The following GALNTL6 variants were observed in gnomAD, a reference collection of about 807,000 sequenced individuals.
GALNTL6 encodes polypeptide N-acetylgalactosaminyltransferase like 6.
In GALNTL6, 46 loss-of-function variants were observed where a neutral mutation model predicts 73.7. That is an observed-to-expected ratio of 0.62 (90% CI 0.49 to 0.80). The LOEUF (loss-of-function observed/expected upper bound fraction) is 0.80. Among genes scored for constraint, GALNTL6 ranks in the 30% least tolerant of loss-of-function variants. The probability of loss-of-function intolerance (pLI) is 0.00; values close to 1 mark genes in which losing one functional copy is unlikely to be tolerated. For synonymous variants in GALNTL6, 259 were observed against 263.7 expected (o/e 0.98, Z 0.17); for missense variants, 604 against 755.0 (o/e 0.80, Z 2.34).
At chr4:172,280,115 G>A (rs1048695861) in intron 3 of GALNTL6, among the ~76,000 whole-genome samples, 9 of 152,168 alleles carry the variant, frequency 5.9e-5, no homozygotes, top group Admixed American at 1.3e-4. Flanking sequence ...AACAGGTACA[G>A]AGTTTTTGTT....
chr4:171,920,856 C>T (rs1203544922), intron 2 of GALNTL6, among the ~76,000 whole-genome samples: 1 of 152,228 alleles, frequency 6.6e-6, no homozygotes. Context: ...TCTTTATAAA[C>T]ATATTACTAT....
At chr4:172,046,683 T>C (rs1742230969) in intron 2 of GALNTL6, among the ~76,000 whole-genome samples, 1 of 152,206 alleles carries the variant, frequency 6.6e-6, no homozygotes, top group Non-Finnish European at 1.5e-5. Flanking sequence ...CTGAGGAATG[T>C]CTATTCAGGC....
chr4:171,898,119 GA>G (rs1736980868), intron 2 of GALNTL6, among the ~76,000 whole-genome samples: 1 of 152,006 alleles, frequency 6.6e-6, no homozygotes, highest in African/African-American at 2.4e-5. Flanking sequence ...ATAAACATCA[GA>G]AAAGCTGCTT....
intron 2 of GALNTL6, among the ~76,000 whole-genome samples, chr4:171,953,885 CA>C (rs1738964614): frequency 1.3e-5 from 2 of 151,922 alleles, no homozygotes; most frequent in African/African-American, 4.8e-5. Context: ...ACCTCATTAA[CA>C]ATTGGTGAGG....
chr4:171,841,405 T>A (rs1735235872), intron 2 of GALNTL6, among the ~76,000 whole-genome samples: 1 of 152,160 alleles, frequency 6.6e-6, no homozygotes, highest in Non-Finnish European at 1.5e-5. Flanking sequence ...AAACAATATG[T>A]TAGAGTTAAT....
At chr4:171,834,189 G>C (rs781371972) in intron 2 of GALNTL6, among the ~76,000 whole-genome samples, 1 of 151,914 alleles carries the variant, frequency 6.6e-6, no homozygotes, top group Non-Finnish European at 1.5e-5. Context: ...CTAAGTATAA[G>C]TATTTTCAAT....
At chr4:172,722,988 A>G (rs1207582134) in intron 5 of GALNTL6, among the ~76,000 whole-genome samples, 1 of 152,132 alleles carries the variant, frequency 6.6e-6, no homozygotes, top group Non-Finnish European at 1.5e-5. Flanking sequence ...TGGCAGGACT[A>G]TGTCACTTGT....
chr4:172,866,996 G>C (rs545896287), intron 7 of GALNTL6, among the ~76,000 whole-genome samples: 2 of 152,172 alleles, frequency 1.3e-5, no homozygotes, highest in Non-Finnish European at 2.9e-5. Context: ...ATAGCAAATA[G>C]ACAGGTGTGT....
chr4:171,944,815 A>T (rs1738655841), intron 2 of GALNTL6, among the ~76,000 whole-genome samples: 1 of 142,718 alleles, frequency 7.0e-6, no homozygotes, highest in African/African-American at 2.7e-5. Context: ...AAGATACTTA[A>T]AAAAAAAATC....
At chr4:172,287,607 G>A (rs1038229544) in intron 3 of GALNTL6, among the ~76,000 whole-genome samples, 3 of 152,146 alleles carry the variant, frequency 2.0e-5, no homozygotes, top group Non-Finnish European at 4.4e-5. Flanking sequence ...ACCAGGGAGG[G>A]CTGAGGCAGA....
chr4:172,740,143 T>C (rs1346107093), intron 5 of GALNTL6, among the ~76,000 whole-genome samples: 2 of 152,072 alleles, frequency 1.3e-5, no homozygotes, highest in Admixed American at 1.3e-4. Flanking sequence ...TTTGTACTTG[T>C]TCTATTTTAT....
At chr4:172,017,515 G>C (rs946754503) in intron 2 of GALNTL6, among the ~76,000 whole-genome samples, 6 of 152,046 alleles carry the variant, frequency 3.9e-5, no homozygotes, top group South Asian at 2.1e-4. Context: ...AGTGCCAGGG[G>C]AGAACAAGGT....
At chr4:172,089,649 C>A (rs1297812083) in intron 2 of GALNTL6, among the ~76,000 whole-genome samples, 3 of 152,068 alleles carry the variant, frequency 2.0e-5, no homozygotes, top group African/African-American at 4.8e-5. Context: ...AATTTAGTAA[C>A]AAGTGCACTA....
intron 10 of GALNTL6, among the ~76,000 whole-genome samples, chr4:172,956,410 A>C (rs1268494829): frequency 3.9e-5 from 6 of 152,226 alleles, no homozygotes; most frequent in Admixed American, 2.6e-4. Flanking sequence ...TAGGACATCT[A>C]ATTAGAGAGT....
intron 2 of GALNTL6, among the ~76,000 whole-genome samples, chr4:172,216,022 T>C (rs1182684181): frequency 1.3e-5 from 2 of 152,280 alleles, no homozygotes; most frequent in African/African-American, 2.4e-5. Context: ...TCATATGTTA[T>C]ATACACCCAA....
chr4:172,376,834 A>G (rs1686252088), intron 5 of GALNTL6, among the ~76,000 whole-genome samples: 1 of 152,116 alleles, frequency 6.6e-6, no homozygotes, highest in Admixed American at 6.5e-5. Flanking sequence ...CCTCGTGATA[A>G]GTATTACAGT....
At chr4:171,972,797 G>A (rs995576260) in intron 2 of GALNTL6, among the ~76,000 whole-genome samples, 20 of 152,080 alleles carry the variant, frequency 1.3e-4, no homozygotes, top group African/African-American at 4.3e-4. Context: ...TCAAAGTCAT[G>A]TAATTCTAGA....
intron 5 of GALNTL6, among the ~76,000 whole-genome samples, chr4:172,738,980 G>C (rs867243441): frequency 6.6e-6 from 1 of 152,174 alleles, no homozygotes; most frequent in Non-Finnish European, 1.5e-5. Flanking sequence ...TGCAGATGAA[G>C]CCTCCAGGTA....
intron 2 of GALNTL6, among the ~76,000 whole-genome samples, chr4:171,988,182 T>G (rs1031938462): frequency 6.6e-6 from 1 of 152,034 alleles, no homozygotes; most frequent in African/African-American, 2.4e-5. Context: ...GGCTACAGGG[T>G]GCAGTCCTGG....
Sources: allele counts gnomAD v4.1 joint callset (sites outside exome capture counted in the v4.1 genomes callset), GRCh38; gene constraint gnomAD v4.1.1; transcripts MANE v1.5; gene names NCBI Gene and HGNC (gene_info 2026-07-23, HGNC 2026-07-21).